ZNF202: variants seen among roughly 807,000 people sequenced by gnomAD.
ZNF202 encodes zinc finger protein with KRAB and SCAN domains 10.
In ZNF202, 22 loss-of-function variants were observed where a neutral mutation model predicts 54.5. The ratio of observed to expected loss-of-function variants is 0.40; its 90% CI spans 0.29 to 0.58. The LOEUF (loss-of-function observed/expected upper bound fraction) is 0.58. ZNF202 is among the 20% of genes least tolerant of loss of function. The pLI, the probability that ZNF202 is intolerant of heterozygous loss-of-function variation, is 0.39. For synonymous variants in ZNF202, 294 were observed against 301.4 expected (o/e 0.98, Z 0.26); for missense variants, 644 against 805.5 (o/e 0.80, Z 2.43).
chr11:123,728,043 A>G, intron 7 of ZNF202, 90 bp downstream of exon 7: 4 of 1,467,912 alleles, frequency 2.7e-6, no homozygotes, highest in Non-Finnish European at 3.7e-6. Flanking sequence ...AGTTCACTGC[A>G]TACAATCTAA....
Position 123,726,212 on chromosome 11 carries a change from C to T in ZNF202, c.1732G>A (p.Ala578Thr), listed in dbSNP as rs759714940. ...SECGRCFTHS[A>T]AFAKHLRGHA... The stretch of plus-strand genomic sequence containing the variant: ...CCTCTCAAGTGCTTGGCGAACGCTG[C>T]GCTGTGGGTGAAGCAGCGCCCGCAC... The change falls in exon 9 of 9, where the codon GCA becomes ACA. Residue 578 changes from alanine (A) to threonine (T), a missense_variant. Transcript: ENST00000530393. This position sits in a 1 kb window ranked among gnomAD's most constrained non-coding sequence, Gnocchi z 6.0. The T allele has an allele frequency of 2.0e-5, 33 of 1,614,202 alleles. No individual in the cohort carries two copies. In the African/African-American group the frequency reaches 2.1e-4, roughly 10 times the overall value.
chr11:123,735,535 G>C (rs766073037), intron 3 of ZNF202, among the ~76,000 whole-genome samples: 2 of 152,306 alleles, frequency 1.3e-5, no homozygotes, highest in Non-Finnish European at 2.9e-5. Flanking sequence ...TGTGGGGTAA[G>C]AGATGGGAAA....
chr11:123,728,345 T>C, intron 6 of ZNF202, 83 bp from the exon 7 acceptor site: 2 of 1,463,346 alleles, frequency 1.4e-6, no homozygotes, highest in South Asian at 2.6e-5. Flanking sequence ...ATACAATAGG[T>C]GGACTCCTCT....
chr11:123,728,628 G>A (rs1470376053), intron 6 of ZNF202, among the ~76,000 whole-genome samples: 1 of 152,038 alleles, frequency 6.6e-6, no homozygotes, highest in African/African-American at 2.4e-5. Flanking sequence ...ACTTTCAATA[G>A]TTTCTATACT....
At chr11:123,739,946 A>C (rs1034761505) in intron 3 of ZNF202, among the ~76,000 whole-genome samples, 171 bp downstream of exon 3, 1 of 152,220 alleles carries the variant, frequency 6.6e-6, no homozygotes, top group African/African-American at 2.4e-5. Context: ...AAGTTTGAGA[A>C]CCACCACCTA....
intron 3 of ZNF202, among the ~76,000 whole-genome samples, chr11:123,733,739 A>G (rs1861512774): frequency 6.6e-6 from 1 of 152,056 alleles, no homozygotes; most frequent in South Asian, 2.1e-4. Context: ...TTTTTATGTT[A>G]ATTTCTCAGG....
At chr11:123,733,273 C>T (rs977792914) in intron 3 of ZNF202, among the ~76,000 whole-genome samples, 6 of 152,152 alleles carry the variant, frequency 3.9e-5, no homozygotes, top group African/African-American at 9.7e-5. Flanking sequence ...TTTCTCAAAA[C>T]GCTTCTAATT....
Position 123,729,842 on chromosome 11 carries a change from C to T in ZNF202, c.403-17G>A, listed in dbSNP as rs190751558. ...GACAGTCACCTGGGAATAATTCCAA[C>T]TTCCAGTCACCATGGAGTCAGGAGG... On this transcript the variant is annotated splice_polypyrimidine_tract_variant and intron_variant, in intron 4 of 8. Transcript: ENST00000530393. 4.3e-5 allele frequency: 68 copies of T among 1,582,274 alleles called. No individual in the cohort carries two copies. The East Asian group carries it at 1.3e-3, about 31-fold the overall frequency.
chr11:123,730,547 G>A lies in ZNF202; in HGVS notation c.342C>T (p.Gly114=), dbSNP rs1861362003. 2 of 1,568,992 alleles carry A rather than the reference G, an allele frequency of 1.3e-6. No homozygotes were observed. Among genetic ancestry groups the A allele is most frequent in the African/African-American group, 1.4e-5 (1 of 73,224 alleles). Residue 114 remains glycine (G), a synonymous_variant, in exon 4 of 9, where the codon GGC becomes GGT. Coordinates refer to ENST00000530393, the MANE Select transcript of ZNF202 (RefSeq NM_003455.4). This position sits in a 1 kb window ranked among gnomAD's most constrained non-coding sequence, Gnocchi z 6.0. ...SWVRGQRPES[G]EEAVTLVEGL... ...CCTCCACCAGCGTCACTGCCTCCTCGCCACTTTCTGGCCGTTGGCCCCGCA... is the reference window on the plus strand; with the variant it reads ...CCTCCACCAGCGTCACTGCCTCCTCACCACTTTCTGGCCGTTGGCCCCGCA...
At chr11:123,729,346 C>T in intron 5 of ZNF202, 132 bp from the exon 6 acceptor site, 1 of 951,308 alleles carries the variant, frequency 1.1e-6, no homozygotes, top group Non-Finnish European at 1.6e-6. Context: ...AAGAAACTGG[C>T]CTAAGGGTAG....
rs200269831 is a variant in ZNF202, at chr11:123,726,724, G to C, written c.1220C>G (p.Thr407Ser). ...GTGTCTAACAAGGTGGGAGTTACAAGTGAAGCTCTTTCCACACACAGAACA... is the reference window on the plus strand; with the variant it reads ...GTGTCTAACAAGGTGGGAGTTACAACTGAAGCTCTTTCCACACACAGAACA... ...HDCSVCGKSF[T>S]CNSHLVRHLR... Residue 407 changes from threonine (T) to serine (S), a missense_variant, in exon 9 of 9, where the codon ACT (threonine) becomes AGT (serine). This residue lies in a region of ZNF202 where 536 missense variants were observed against 635.3 expected (regional missense o/e 0.84). Coordinates refer to ENST00000530393, the MANE Select transcript of ZNF202 (RefSeq NM_003455.4). This position sits in a 1 kb window ranked among gnomAD's most constrained non-coding sequence, Gnocchi z 6.0. 12 of 1,614,100 alleles carry C rather than the reference G, an allele frequency of 7.4e-6. No individual in the cohort carries two copies. In the African/African-American group the frequency reaches 1.3e-4, roughly 18 times the overall value.
Position 123,726,124 on chromosome 11 carries a change from T to C in ZNF202, c.1820A>G (p.His607Arg), listed in dbSNP as rs1340986747. 1 of 1,614,164 alleles carries C rather than the reference T, an allele frequency of 6.2e-7. No homozygotes were observed. Among genetic ancestry groups the C allele is most frequent in the Non-Finnish European group, 8.5e-7 (1 of 1,180,016 alleles). The change falls in exon 9 of 9, where the codon CAC becomes CGC. Residue 607 changes from histidine to arginine, a missense_variant. His to Arg is a conservative substitution (Grantham distance 29). Transcript: ENST00000530393. The surrounding 1 kb of genome is among the most constrained non-coding windows in gnomAD (Gnocchi z 6.0). The part of the protein sequence containing the change: ...ECGKSFSRRD[H>R]LVRHQRTHTG... ...GTGTGTTCTCTGATGCCTGACGAGGTGGTCCCTGCGACTGAAGCTCTTCCC... is the reference window on the plus strand; with the variant it reads ...GTGTGTTCTCTGATGCCTGACGAGGCGGTCCCTGCGACTGAAGCTCTTCCC...
At chr11:123,741,114 G>A (rs1861844839) in intron 1 of ZNF202, among the ~76,000 whole-genome samples, 1 of 152,142 alleles carries the variant, frequency 6.6e-6, no homozygotes, top group African/African-American at 2.4e-5. Context: ...GGAGCCCGCG[G>A]AGATGATCTT....
chr11:123,728,285 T>A, intron 6 of ZNF202, 23 bp from the exon 7 acceptor site: 1 of 1,596,792 alleles, frequency 6.3e-7, no homozygotes, highest in Non-Finnish European at 8.5e-7. Context: ...AAGGATTTCA[T>A]CAAAACGTGA....
rs1244364976 is a variant in ZNF202, at chr11:123,730,570, G to T, written c.319C>A (p.Arg107=). 1.9e-6 allele frequency: 3 copies of T among 1,599,682 alleles called. No individual in the cohort carries two copies. Among genetic ancestry groups the T allele is most frequent in the Non-Finnish European group, 2.6e-6 (3 of 1,173,272 alleles). Residue 107 remains arginine (R), a synonymous_variant, in exon 4 of 9, where the codon CGG becomes AGG. Transcript: ENST00000530393. This position sits in a 1 kb window ranked among gnomAD's most constrained non-coding sequence, Gnocchi z 6.0. The stretch of plus-strand genomic sequence containing the variant: ...TCGCCACTTTCTGGCCGTTGGCCCC[G>T]CACCCAGCTCTGTAGTTCTCCAGGT... ...VLPGELQSWV[R]GQRPESGEEA...
In ZNF202 at chr11:123,725,911, C is replaced by A. The variant is rs1230853192; in HGVS notation, c.*86G>T. 8.8e-6 allele frequency: 13 copies of A among 1,481,510 alleles called. No individual in the cohort carries two copies. The highest frequency in any genetic ancestry group is 1.2e-5 in the Non-Finnish European group (13 of 1,111,754). The allele number at this position is 1,481,510 out of a possible 1,614,324, so 91.8% of individuals were successfully genotyped here. A position where few individuals can be genotyped will look rare whatever the true frequency, so the allele number is the denominator to read the frequency against. On this transcript the variant is annotated 3_prime_UTR_variant, in exon 9 of 9. Transcript: ENST00000530393. ...GTCAGGGAGACTCCCTCGAAAAGGT[C>A]TTCCCAGGCTGACAAGAGGGCTTTT...
chr11:123,730,718 T>C lies in ZNF202; in HGVS notation c.171A>G (p.Ala57=). The C allele has an allele frequency of 6.2e-7, 1 of 1,614,278 alleles. No homozygotes were observed. The highest frequency in any genetic ancestry group is 8.5e-7 in the Non-Finnish European group (1 of 1,180,050). The part of the protein sequence containing the change: ...QNFRRFRYQE[A]ASPREALIRL... ...TGATGAGAGCTTCTCTAGGGCTTGC[T>C]GCCTCCTGGTAGCGGAAGCGTCGGA... The change falls in exon 4 of 9, where the codon GCA becomes GCG. Residue 57 remains alanine, a synonymous_variant. Transcript: ENST00000530393. This position sits in a 1 kb window ranked among gnomAD's most constrained non-coding sequence, Gnocchi z 6.0.
chr11:123,729,541 AGAAATGTCC>A, intron 5 of ZNF202, 65 bp downstream of exon 5: 1 of 300,286 alleles, frequency 3.3e-6, no homozygotes, highest in African/African-American at 1.2e-4. Context: ...TTGGTATAGG[AGAAATGTCC>A]GAGAAATGTC....
At chr11:123,727,725 C>CTAA in intron 7 of ZNF202, 130 bp from the exon 8 acceptor site, 1 of 1,282,534 alleles carries the variant, frequency 7.8e-7, no homozygotes, top group Non-Finnish European at 1.1e-6. Flanking sequence ...TCTTTCATCT[C>CTAA]TTTAGTTTGT....
Sources: allele counts gnomAD v4.1 joint callset (sites outside exome capture counted in the v4.1 genomes callset), GRCh38; gene constraint gnomAD v4.1.1; regional missense constraint gnomAD v4.1.1; non-coding constraint Gnocchi (gnomAD v3.1); transcripts MANE v1.5; gene names NCBI Gene and HGNC (gene_info 2026-07-23, HGNC 2026-07-21).